The following FSTL5 variants were observed in gnomAD, a reference collection of about 807,000 sequenced individuals.
The protein encoded by FSTL5 is follistatin-related protein 5.
A neutral mutation model predicts 89.1 loss-of-function variants in FSTL5; 62 were observed. The observed-to-expected ratio is 0.70, with a 90% CI of 0.57 to 0.86. The LOEUF (loss-of-function observed/expected upper bound fraction) is 0.86. Ranked by LOEUF, FSTL5 falls within the 40% of genes least tolerant of loss-of-function variation. The pLI is 0.00. For synonymous variants in FSTL5, 383 were observed against 346.2 expected, an observed-to-expected ratio of 1.11 and a Z score of -1.18; for missense variants, 1,057 against 1,001.6, an observed-to-expected ratio of 1.06 and a Z score of -0.75.
chr4:161,565,211 G>C (rs1732754528), intron 8 of FSTL5, among the ~76,000 whole-genome samples: 2 of 135,108 alleles, frequency 1.5e-5, no homozygotes, highest in South Asian at 2.3e-4. Flanking sequence ...GGATTCATTT[G>C]ACATATCTTG....
At chr4:161,639,951 C>T (rs1735890692) in intron 7 of FSTL5, among the ~76,000 whole-genome samples, 1 of 152,146 alleles carries the variant, frequency 6.6e-6, no homozygotes. Context: ...CCCTTTTCCT[C>T]CCTGCTTCCT....
intron 15 of FSTL5, among the ~76,000 whole-genome samples, chr4:161,414,070 A>G (rs1219068242): frequency 2.0e-5 from 3 of 152,188 alleles, no homozygotes; most frequent in Non-Finnish European, 4.4e-5. Context: ...TCTAAAATAA[A>G]ACGTTGAAAT....
chr4:161,584,090 C>G (rs1305977968), intron 8 of FSTL5, among the ~76,000 whole-genome samples: 1 of 152,174 alleles, frequency 6.6e-6, no homozygotes, highest in Admixed American at 6.5e-5. Flanking sequence ...AAACATACTT[C>G]ATGAATACTC....
chr4:161,918,522 A>G (rs1264357879), intron 4 of FSTL5, among the ~76,000 whole-genome samples: 4 of 152,220 alleles, frequency 2.6e-5, no homozygotes, highest in African/African-American at 9.6e-5. Context: ...TTTACTTTAT[A>G]ATAAAATCAA....
intron 8 of FSTL5, among the ~76,000 whole-genome samples, chr4:161,545,836 T>C (rs1317552722): frequency 6.6e-6 from 1 of 151,980 alleles, no homozygotes; most frequent in African/African-American, 2.4e-5. Context: ...GGAAAATGGT[T>C]GATGAAATCA....
At chr4:161,929,803 G>T (rs1355948168) in intron 3 of FSTL5, among the ~76,000 whole-genome samples, 1 of 151,458 alleles carries the variant, frequency 6.6e-6, no homozygotes, top group Non-Finnish European at 1.5e-5. Flanking sequence ...TAAAGCAGGG[G>T]TGACAGTGAG....
intron 7 of FSTL5, among the ~76,000 whole-genome samples, chr4:161,607,233 A>T (rs914159675): frequency 1.1e-4 from 17 of 152,324 alleles, no homozygotes; most frequent in African/African-American, 4.1e-4. Context: ...AGAGAAAAAA[A>T]TCGTAAGACT....
intron 5 of FSTL5, among the ~76,000 whole-genome samples, chr4:161,762,965 G>A (rs1356896534): frequency 6.6e-6 from 1 of 152,160 alleles, no homozygotes; most frequent in Non-Finnish European, 1.5e-5. Flanking sequence ...GAACTTCAAT[G>A]TAATAGAAAT....
At chr4:161,980,088 A>AAAC (rs1560949983) in intron 3 of FSTL5, among the ~76,000 whole-genome samples, 10 of 139,484 alleles carry the variant, frequency 7.2e-5, no homozygotes, top group Non-Finnish European at 1.2e-4. Context: ...AAAGAAAGAA[A>AAAC]AAAGAAAAAG....
chr4:162,072,802 T>C (rs2111313525), intron 2 of FSTL5, among the ~76,000 whole-genome samples: 1 of 151,852 alleles, frequency 6.6e-6, no homozygotes, highest in South Asian at 2.1e-4. Context: ...TTGAATGAAA[T>C]TGACATATAA....
In FSTL5 at chr4:161,825,041, C is replaced by T. The variant is rs1265967353; in HGVS notation, c.410-48967G>A. On this transcript the variant is annotated intron_variant, in intron 4 of 15. Transcript: ENST00000306100. ...TTGGCTGTGGGGTTGTCATAGATGG[C>T]TTTTATTACATTAAAGTATGTCCCT... Among the ~76,000 whole-genome samples the T allele has an allele frequency of 3.3e-5, 5 of 152,174 alleles. No homozygotes were observed. In the South Asian group the frequency reaches 8.3e-4, roughly 25 times the overall value.
At chr4:162,027,152 C>T (rs781545388) in intron 3 of FSTL5, among the ~76,000 whole-genome samples, 1 of 152,064 alleles carries the variant, frequency 6.6e-6, no homozygotes, top group Non-Finnish European at 1.5e-5. Context: ...ATGTTCTTCT[C>T]CCTGCTTCCT....
intron 3 of FSTL5, among the ~76,000 whole-genome samples, chr4:161,968,734 T>A (rs1384934928): frequency 6.6e-6 from 1 of 152,046 alleles, no homozygotes; most frequent in Admixed American, 6.6e-5. Flanking sequence ...TAACACCACA[T>A]ATTGCCAGTC....
chr4:162,016,619 GTCT>G (rs769651881), intron 3 of FSTL5, among the ~76,000 whole-genome samples: 7 of 152,090 alleles, frequency 4.6e-5, no homozygotes, highest in Admixed American at 6.5e-5. Flanking sequence ...TGGGGATTTA[GTCT>G]TCTTATTAAA....
At chr4:161,702,288 G>A (rs759874682) in intron 6 of FSTL5, among the ~76,000 whole-genome samples, 2 of 152,172 alleles carry the variant, frequency 1.3e-5, no homozygotes, top group African/African-American at 2.4e-5. Context: ...AGGGTCAACA[G>A]AACATTGCAT....
chr4:162,110,458 A>G (rs1197165141), intron 2 of FSTL5, among the ~76,000 whole-genome samples: 1 of 151,940 alleles, frequency 6.6e-6, no homozygotes, highest in Non-Finnish European at 1.5e-5. Context: ...CCAAGGGGAA[A>G]AAAAATCTAT....
intron 6 of FSTL5, among the ~76,000 whole-genome samples, chr4:161,693,926 C>G (rs191417486): frequency 1.8e-4 from 28 of 152,240 alleles, no homozygotes; most frequent in Non-Finnish European, 2.6e-4. Flanking sequence ...GCGTGAGCCA[C>G]TGTGCCCAGC....
At chr4:162,153,999 G>GT (rs1397647790) in intron 1 of FSTL5, among the ~76,000 whole-genome samples, 1 of 151,244 alleles carries the variant, frequency 6.6e-6, no homozygotes, top group East Asian at 1.9e-4. Context: ...TAGAGATGGG[G>GT]TTTCACTAGG....
At chr4:161,977,645 T>C (rs867453450) in intron 3 of FSTL5, among the ~76,000 whole-genome samples, 1 of 135,512 alleles carries the variant, frequency 7.4e-6, no homozygotes, top group Non-Finnish European at 1.6e-5. Context: ...AAAAAAATAA[T>C]AATAATAATA....
Sources: allele counts gnomAD v4.1 joint callset (sites outside exome capture counted in the v4.1 genomes callset), GRCh38; gene constraint gnomAD v4.1.1; transcripts MANE v1.5; gene names NCBI Gene and HGNC (gene_info 2026-07-23, HGNC 2026-07-21).